The following SLC7A2 variants were observed in gnomAD, a reference collection of about 807,000 sequenced individuals.
The protein encoded by SLC7A2 is cationic amino acid transporter 2.
A neutral mutation model predicts 58.9 loss-of-function variants in SLC7A2; 48 were observed. The ratio of observed to expected loss-of-function variants is 0.82; its 90% CI spans 0.65 to 1.04. The LOEUF is 1.04. SLC7A2 is among the 50% of genes least tolerant of loss of function. The pLI is 0.00. For synonymous variants in SLC7A2, 363 were observed against 314.5 expected (o/e 1.15, Z -1.63); for missense variants, 1,029 against 818.8 (o/e 1.26, Z -3.13).
chr8:17,549,489 A>G (rs573107740), intron 5 of SLC7A2, among the ~76,000 whole-genome samples: 1 of 152,140 alleles, frequency 6.6e-6, no homozygotes, highest in African/African-American at 2.4e-5. Flanking sequence ...GATCCTAACC[A>G]TTGGAAAAAC....
At chr8:17,533,071 A>G (rs1315539257) in intron 2 of SLC7A2, among the ~76,000 whole-genome samples, 2 of 152,174 alleles carry the variant, frequency 1.3e-5, no homozygotes, top group Non-Finnish European at 2.9e-5. Flanking sequence ...TGTTCTAGAT[A>G]GAAATTTTAG....
chr8:17,517,754 G>T (rs1324984856), intron 2 of SLC7A2, among the ~76,000 whole-genome samples: 1 of 152,110 alleles, frequency 6.6e-6, no homozygotes, highest in African/African-American at 2.4e-5. Context: ...CAATTCTGAA[G>T]TCTTTCAAAT....
rs1451640756 is a variant in SLC7A2 at position 17,569,514 on chromosome 8, C to A, written c.*4368C>A. The A allele has an allele frequency of 6.6e-6, 1 of 152,022 alleles. No individual in the cohort carries two copies. Among genetic ancestry groups the A allele is most frequent in the African/African-American group, 2.4e-5 (1 of 41,398 alleles). The allele number at this position is 152,022 out of a possible 1,614,324, so 9.4% of individuals were successfully genotyped here. On this transcript the variant is annotated 3_prime_UTR_variant, in exon 13 of 13. Coordinates refer to ENST00000494857, the MANE Select transcript of SLC7A2 (RefSeq NM_001370338.1). ...AGTCATATAGATATGAAAATAAGTT[C>A]ATATAGATATGAAATTGCTTGACTT...
At position 17,516,233 on chromosome 8, in the gene SLC7A2, ATT is replaced by A. The variant is rs11376359; in HGVS notation, c.-23+13940_-23+13941del. Among the ~76,000 whole-genome samples, 21 of 150,440 alleles carry A rather than the reference ATT, an allele frequency of 1.4e-4. 1 individual carries two copies. Among genetic ancestry groups the A allele is most frequent in the Admixed American group, 5.3e-4 (8 of 15,118 alleles). ...ATTTATTTAATTAATTAATTAATTA[ATT>A]TTTTTTTTGAGATGGAATCTCGCTC... On this transcript the variant is annotated intron_variant, in intron 2 of 12. Transcript: ENST00000494857.
At chr8:17,557,696 C>T (rs573295064) in intron 8 of SLC7A2, among the ~76,000 whole-genome samples, 266 of 152,056 alleles carry the variant, frequency 1.7e-3, no homozygotes, top group Non-Finnish European at 2.9e-3. Context: ...GGTGTGGTGG[C>T]GCACGCCTGT....
At chr8:17,502,519 G>A (rs976694567) in intron 2 of SLC7A2, among the ~76,000 whole-genome samples, 5 of 152,284 alleles carry the variant, frequency 3.3e-5, no homozygotes, top group African/African-American at 1.2e-4. Context: ...ATTCCTATAA[G>A]ATATTGCTCT....
rs1368319426 is a variant in SLC7A2 at position 17,560,530 on chromosome 8, C to T, written c.1501C>T (p.Leu501=). 6.2e-7 allele frequency: 1 copy of T among 1,612,018 alleles called. No individual in the cohort carries two copies. Among genetic ancestry groups the T allele is most frequent in the Non-Finnish European group, 8.5e-7 (1 of 1,178,372 alleles). ...TCTCGTGAGCTTTCTGGTAGGATTC[C>T]TAGGTAAGTCTTCTTCTCTGCTTAC... ...ASLVSFLVGF[L]AFLVLGLSVL... Residue 501 remains leucine (L), a synonymous_variant, in exon 10 of 13, where the codon CTA becomes TTA. Transcript: ENST00000494857.
Position 17,532,795 on chromosome 8 carries a change from C to T in SLC7A2, c.-22-10523C>T, listed in dbSNP as rs187919063. Among the ~76,000 whole-genome samples, 1,395 of 152,118 alleles carry T rather than the reference C, an allele frequency of 9.2e-3. 12 individuals carry two copies. Among genetic ancestry groups the T allele is most frequent in the Non-Finnish European group, 0.012 (807 of 67,998 alleles). The stretch of plus-strand genomic sequence containing the variant: ...CATAAAAATAAAAAGCATTAGACGC[C>T]CTGCAATCTAAGCAAAAATTTTAAA... On this transcript the variant is annotated intron_variant, in intron 2 of 12. Transcript: ENST00000494857.
intron 2 of SLC7A2, among the ~76,000 whole-genome samples, chr8:17,506,197 T>C (rs1040015793): frequency 2.6e-5 from 4 of 152,186 alleles, no homozygotes; most frequent in African/African-American, 7.2e-5. Context: ...TCAGAGACAA[T>C]AGTGGGTGTT....
At chr8:17,560,278 G>A (rs1802902797) in intron 9 of SLC7A2, 50 bp from the exon 10 acceptor site, 1 of 1,452,658 alleles carries the variant, frequency 6.9e-7, no homozygotes, top group Non-Finnish European at 9.7e-7. Context: ...GTTTCACTTG[G>A]GCCAAATGTC....
chr8:17,544,518 G>C lies in SLC7A2; in HGVS notation c.444G>C (p.Gln148His). ...AACTTCTTAGCAAACAGATTGGTCA[G>C]TTTTTGAGGACATACTTCAGAATGA... is the stretch of plus-strand genomic sequence containing the variant. ...FDELLSKQIG[Q>H]FLRTYFRMNY... The change falls in exon 4 of 13, where the codon CAG (glutamine) becomes CAC (histidine). Residue 148 changes from glutamine to histidine, a missense_variant. Coordinates refer to ENST00000494857, the MANE Select transcript of SLC7A2 (RefSeq NM_001370338.1). 1 of 1,614,048 alleles carries C rather than the reference G, an allele frequency of 6.2e-7. No homozygotes were observed. The highest frequency in any genetic ancestry group is 8.5e-7 in the Non-Finnish European group (1 of 1,179,942).
At chr8:17,529,076 A>G (rs1351543624) in intron 2 of SLC7A2, among the ~76,000 whole-genome samples, 2 of 152,242 alleles carry the variant, frequency 1.3e-5, no homozygotes, top group Admixed American at 6.5e-5. Flanking sequence ...TGTACTTTAT[A>G]ATAAAAAAGC....
chr8:17,500,799 T>TACACACACACACACAC (rs60002166), intron 1 of SLC7A2, among the ~76,000 whole-genome samples: 27 of 146,134 alleles, frequency 1.8e-4, no homozygotes, highest in African/African-American at 6.6e-4. Flanking sequence ...AACACACACA[T>TACACACACACACACAC]ACACACACAC....
intron 2 of SLC7A2, among the ~76,000 whole-genome samples, chr8:17,535,629 G>A (rs768243851): frequency 2.0e-5 from 3 of 152,154 alleles, no homozygotes; most frequent in Admixed American, 2.0e-4. Context: ...TTGGCCGGGC[G>A]CGGTGGCTTA....
chr8:17,517,934 T>A (rs1170914139), intron 2 of SLC7A2, among the ~76,000 whole-genome samples: 1 of 152,088 alleles, frequency 6.6e-6, no homozygotes, highest in Admixed American at 6.6e-5. Context: ...TAGGTTCAAA[T>A]CCAGCTCTGT....
At chr8:17,532,128 G>A (rs1441839402) in intron 2 of SLC7A2, among the ~76,000 whole-genome samples, 4 of 150,602 alleles carry the variant, frequency 2.7e-5, no homozygotes, top group African/African-American at 7.4e-5. Flanking sequence ...TACTTGGGAG[G>A]CTGAGGCAGG....
chr8:17,554,110 A>G (rs1429149561), intron 7 of SLC7A2, among the ~76,000 whole-genome samples: 1 of 152,242 alleles, frequency 6.6e-6, no homozygotes, highest in Non-Finnish European at 1.5e-5. Flanking sequence ...ATATATCATT[A>G]TTGAATAAAG....
At chr8:17,534,611 T>G (rs1801585575) in intron 2 of SLC7A2, among the ~76,000 whole-genome samples, 1 of 152,056 alleles carries the variant, frequency 6.6e-6, no homozygotes, top group South Asian at 2.1e-4. Flanking sequence ...TGTGGAAATT[T>G]TAGCTGTATT....
At chr8:17,508,535 C>A (rs975147047) in intron 2 of SLC7A2, among the ~76,000 whole-genome samples, 2 of 151,998 alleles carry the variant, frequency 1.3e-5, no homozygotes, top group Non-Finnish European at 1.5e-5. Flanking sequence ...ACCAGCCTGG[C>A]CAACATGGCG....
Sources: gnomAD v4.1 joint callset for allele counts (sites outside exome capture counted in the v4.1 genomes callset) on GRCh38, gnomAD v4.1.1 for gene constraint, MANE v1.5 for transcripts, NCBI Gene and HGNC (gene_info 2026-07-23, HGNC 2026-07-21) for gene names.